The following SESTD1 variants were observed in gnomAD, a reference collection of about 807,000 sequenced individuals.
The protein encoded by SESTD1 is SEC14 domain and spectrin repeat-containing protein 1.
Under a neutral mutation model 101.7 loss-of-function variants are expected in SESTD1, and 43 were observed. That is an observed-to-expected ratio of 0.42 (90% CI 0.33 to 0.55). SESTD1 has a LOEUF of 0.55. SESTD1 is among the 20% of genes least tolerant of loss of function. The pLI is 0.07. For missense variants in SESTD1, 647 were observed against 815.1 expected, an observed-to-expected ratio of 0.79 and a Z score of 2.51; for synonymous variants, 283 against 286.8, an observed-to-expected ratio of 0.99 and a Z score of 0.13.
chr2:179,243,611 T>C (rs2105548917), intron 1 of SESTD1, among the ~76,000 whole-genome samples: 1 of 152,216 alleles, frequency 6.6e-6, no homozygotes, highest in Non-Finnish European at 1.5e-5. Context: ...TTTGCAGCAA[T>C]ATGGATGCAG....
rs1433042906 is a variant in SESTD1, at chr2:179,105,738, T to C, written c.*4161A>G. ...TTTATATCATATTTTATTCTTGAAA[T>C]TGGTATGACTTCTCTGTTTTACAGC... is the stretch of plus-strand genomic sequence containing the variant. On this transcript the variant is annotated 3_prime_UTR_variant, in exon 18 of 18. Transcript: ENST00000428443. 1.3e-5 allele frequency: 2 copies of C among 152,230 alleles called. No homozygotes were observed. Among genetic ancestry groups the C allele is most frequent in the East Asian group, 3.8e-4 (2 of 5,200 alleles). The allele number at this position is 152,230 out of a possible 1,614,324, so 9.4% of individuals were successfully genotyped here. A position where few individuals can be genotyped will look rare whatever the true frequency, so the allele number is the denominator to read the frequency against.
At chr2:179,208,105 T>C (rs1002618452) in intron 1 of SESTD1, among the ~76,000 whole-genome samples, 2 of 133,986 alleles carry the variant, frequency 1.5e-5, no homozygotes, top group East Asian at 2.0e-4. Context: ...AACAATAGAA[T>C]TGAACAAGTA....
chr2:179,175,900 G>T (rs1473932168), intron 4 of SESTD1, among the ~76,000 whole-genome samples: 1 of 152,208 alleles, frequency 6.6e-6, no homozygotes, highest in Non-Finnish European at 1.5e-5. Context: ...ATGTTAATTT[G>T]TGAGGGGCTG....
At chr2:179,243,275 G>A (rs2047181221) in intron 1 of SESTD1, among the ~76,000 whole-genome samples, 1 of 152,180 alleles carries the variant, frequency 6.6e-6, no homozygotes, top group Admixed American at 6.5e-5. Context: ...TGGCAAGGCT[G>A]CAGAGAAAGG....
At chr2:179,228,767 T>A (rs140163961) in intron 1 of SESTD1, among the ~76,000 whole-genome samples, 13 of 152,276 alleles carry the variant, frequency 8.5e-5, no homozygotes, top group African/African-American at 3.1e-4. Flanking sequence ...CATACAAATT[T>A]CACGCTTTTA....
chr2:179,197,185 A>T (rs1054947614), intron 1 of SESTD1, among the ~76,000 whole-genome samples: 1 of 152,178 alleles, frequency 6.6e-6, no homozygotes, highest in Non-Finnish European at 1.5e-5. Context: ...GAGCCGATGC[A>T]ATCAACTGGA....
chr2:179,200,882 A>C (rs1161679936), intron 1 of SESTD1, among the ~76,000 whole-genome samples: 2 of 134,560 alleles, frequency 1.5e-5, no homozygotes, highest in African/African-American at 5.9e-5. Context: ...CATGTCTAAA[A>C]CACCAAAAGC....
At chr2:179,234,099 T>C (rs1465174297) in intron 1 of SESTD1, among the ~76,000 whole-genome samples, 1 of 152,172 alleles carries the variant, frequency 6.6e-6, no homozygotes, top group Non-Finnish European at 1.5e-5. Flanking sequence ...GTTGAAAGCA[T>C]GAGTAGAACA....
intron 11 of SESTD1, among the ~76,000 whole-genome samples, 165 bp from the exon 12 acceptor site, chr2:179,123,994 CAG>C (rs747187575): frequency 3.9e-5 from 6 of 152,164 alleles, no homozygotes; most frequent in Non-Finnish European, 8.8e-5. Context: ...ATCTGGAAGA[CAG>C]AACACACAGA....
At chr2:179,118,256 A>G (rs966403570) in intron 13 of SESTD1, among the ~76,000 whole-genome samples, 1 of 152,208 alleles carries the variant, frequency 6.6e-6, no homozygotes, top group African/African-American at 2.4e-5. Context: ...GGGCTTAAAA[A>G]AACAAAAAAA....
chr2:179,187,027 C>T (rs558079381), intron 2 of SESTD1, among the ~76,000 whole-genome samples: 1 of 152,090 alleles, frequency 6.6e-6, no homozygotes, highest in African/African-American at 2.4e-5. Flanking sequence ...CCAAACTAAG[C>T]TTTATAAGTG....
intron 7 of SESTD1, among the ~76,000 whole-genome samples, chr2:179,147,490 T>G (rs1403328628): frequency 6.6e-6 from 1 of 151,946 alleles, no homozygotes; most frequent in East Asian, 1.9e-4. Context: ...GCCCCCTGAG[T>G]AGCTGGGACT....
chr2:179,108,558 G>C lies in SESTD1; in HGVS notation c.*1341C>G, dbSNP rs928950062. ...ATTTCTCCAAGAAGTCTGTCAGTCAGTGAAGAAGGCTGGAAAAACTAGCAG... is the reference window on the plus strand; with the variant it reads ...ATTTCTCCAAGAAGTCTGTCAGTCACTGAAGAAGGCTGGAAAAACTAGCAG... On this transcript the variant is annotated 3_prime_UTR_variant, in exon 18 of 18. Coordinates refer to ENST00000428443, the MANE Select transcript of SESTD1 (RefSeq NM_178123.5). 6.6e-6 allele frequency: 1 copy of C among 151,950 alleles called. No homozygotes were observed. The highest frequency in any genetic ancestry group is 1.5e-5 in the Non-Finnish European group (1 of 68,008). The allele number at this position is 151,950 out of a possible 1,614,324, so 9.4% of individuals were successfully genotyped here. A position where few individuals can be genotyped will look rare whatever the true frequency, so the allele number is the denominator to read the frequency against.
chr2:179,150,887 A>G (rs1408645431), intron 6 of SESTD1, among the ~76,000 whole-genome samples: 6 of 152,240 alleles, frequency 3.9e-5, no homozygotes, highest in Non-Finnish European at 8.8e-5. Context: ...TACTGATGCT[A>G]CTAATGACAG....
intron 8 of SESTD1, among the ~76,000 whole-genome samples, chr2:179,145,023 G>GT (rs2045363756): frequency 6.6e-6 from 1 of 152,014 alleles, no homozygotes; most frequent in African/African-American, 2.4e-5. Context: ...AAAATAAGCT[G>GT]TATATCATAC....
chr2:179,245,227 G>T (rs1341138338), intron 1 of SESTD1, among the ~76,000 whole-genome samples: 2 of 151,858 alleles, frequency 1.3e-5, no homozygotes, highest in African/African-American at 4.8e-5. Context: ...TTAAAAATTA[G>T]CCAGATGAGC....
intron 1 of SESTD1, among the ~76,000 whole-genome samples, chr2:179,230,113 C>CTCTCTTT (rs2046962437): frequency 1.8e-5 from 1 of 56,404 alleles, no homozygotes; most frequent in East Asian, 8.8e-4. Flanking sequence ...GATTGTATCT[C>CTCTCTTT]TTTTTTTTTT....
chr2:179,175,733 A>G (rs958158198), intron 4 of SESTD1, among the ~76,000 whole-genome samples: 1 of 152,202 alleles, frequency 6.6e-6, no homozygotes, highest in South Asian at 2.1e-4. Context: ...TTTTCAAATC[A>G]TATCTTCAAT....
chr2:179,124,390 G>A lies in SESTD1; in HGVS notation c.1141C>T (p.Leu381Phe), dbSNP rs755671029. The change falls in exon 11 of 18, where the codon CTT becomes TTT. Residue 381 changes from leucine to phenylalanine, a missense_variant. Coordinates refer to ENST00000428443, the MANE Select transcript of SESTD1 (RefSeq NM_178123.5). ...EFRQNLLQAA[L>F]EFHGVAQDLS... Reference sequence around the variant, plus strand: ...TCTTGGGCAACACCATGAAATTCAAGAGCTGCTTGTAAGAGATTTTGCCTA... The same window carrying A: ...TCTTGGGCAACACCATGAAATTCAAAAGCTGCTTGTAAGAGATTTTGCCTA... 13 of 1,613,878 alleles carry A rather than the reference G, an allele frequency of 8.1e-6. No individual in the cohort carries two copies. The highest frequency in any genetic ancestry group is 2.2e-5 in the South Asian group (2 of 91,046).
Sources: gnomAD v4.1 joint callset for allele counts (sites outside exome capture counted in the v4.1 genomes callset) on GRCh38, gnomAD v4.1.1 for gene constraint, MANE v1.5 for transcripts, NCBI Gene and HGNC (gene_info 2026-07-23, HGNC 2026-07-21) for gene names.